Variants in HNRNPA1L2 observed in about 807,000 individuals in gnomAD.
The protein encoded by HNRNPA1L2 is heterogeneous nuclear ribonucleoprotein A1 like 2.
Under a neutral mutation model 18.2 loss-of-function variants are expected in HNRNPA1L2, and 10 were observed. The ratio of observed to expected loss-of-function variants is 0.55; its 90% CI spans 0.34 to 0.93. HNRNPA1L2 has a LOEUF of 0.93. HNRNPA1L2 is among the 40% of genes least tolerant of loss of function. The pLI is 0.02. For synonymous variants in HNRNPA1L2, 124 were observed against 138.6 expected, an observed-to-expected ratio of 0.89 and a Z score of 0.74; for missense variants, 308 against 394.4, an observed-to-expected ratio of 0.78 and a Z score of 1.85.
chr13:52,621,987 A>T, the HNRNPA1L2 span: 1 of 157,260 alleles, frequency 6.4e-6, no homozygotes, highest in Non-Finnish European at 1.4e-5. Context: ...GCATCTTTCC[A>T]GGACAAAAAA....
chr13:52,622,430 GAAATGCTGTAATTGTATTATATTT>G, the HNRNPA1L2 span, among the ~76,000 whole-genome samples: 2 of 152,188 alleles, frequency 1.3e-5, no homozygotes, highest in African/African-American at 2.4e-5. Flanking sequence ...AATTACTTGA[GAAATGCTGTAATTGTATTATATTT>G]AAATAACAAG....
chr13:52,623,463 A>G, the HNRNPA1L2 span, among the ~76,000 whole-genome samples: 2 of 152,290 alleles, frequency 1.3e-5, no homozygotes, highest in African/African-American at 2.4e-5. Context: ...ATATTGCAGG[A>G]TGGGTGTGAT....
the HNRNPA1L2 span, among the ~76,000 whole-genome samples, chr13:52,626,006 T>C: frequency 6.6e-6 from 1 of 151,964 alleles, no homozygotes; most frequent in Non-Finnish European, 1.5e-5. Context: ...TCTTGAACTC[T>C]TGAGCTCAAG....
the HNRNPA1L2 span, among the ~76,000 whole-genome samples, chr13:52,630,970 G>T: frequency 3.9e-5 from 6 of 152,084 alleles, no homozygotes; most frequent in Non-Finnish European, 7.4e-5. Flanking sequence ...TATTAGATTT[G>T]ATATTTAATA....
chr13:52,619,670 C>T, the HNRNPA1L2 span, among the ~76,000 whole-genome samples: 1 of 151,730 alleles, frequency 6.6e-6, no homozygotes, highest in Non-Finnish European at 1.5e-5. Flanking sequence ...GCCTGTAATC[C>T]CAACACTTTG....
chr13:52,633,051 A>G, the HNRNPA1L2 span, among the ~76,000 whole-genome samples: 2 of 152,324 alleles, frequency 1.3e-5, no homozygotes, highest in East Asian at 3.9e-4. Flanking sequence ...CCCTCTTGAA[A>G]TGTTGCATTC....
chr13:52,638,110 T>C (rs1961521189), upstream of HNRNPA1L2, among the ~76,000 whole-genome samples: 1 of 152,222 alleles, frequency 6.6e-6, no homozygotes. Context: ...ATGGTATTTG[T>C]TATATGCTTG....
the HNRNPA1L2 span, chr13:52,617,719 C>T: frequency 2.3e-6 from 1 of 434,856 alleles, no homozygotes; most frequent in African/African-American, 2.0e-5. Flanking sequence ...CGCAGGTCCT[C>T]GGGCATCCCT....
the HNRNPA1L2 span, among the ~76,000 whole-genome samples, chr13:52,619,845 C>T: frequency 2.1e-5 from 3 of 145,796 alleles, no homozygotes; most frequent in East Asian, 2.1e-4. Context: ...GGCGTGAACC[C>T]GGGAGGCGGA....
At chr13:52,628,761 T>A in the HNRNPA1L2 span, among the ~76,000 whole-genome samples, 1 of 152,268 alleles carries the variant, frequency 6.6e-6, no homozygotes, top group Non-Finnish European at 1.5e-5. Context: ...TAAAATTTAA[T>A]TTAAACATAA....
chr13:52,635,083 A>C, the HNRNPA1L2 span, among the ~76,000 whole-genome samples: 11 of 152,260 alleles, frequency 7.2e-5, no homozygotes, highest in Non-Finnish European at 1.5e-4. Context: ...AAATGTGGCT[A>C]GTTAAGCCTA....
upstream of HNRNPA1L2, chr13:52,641,813 A>G (rs1961666367): frequency 1.3e-5 from 2 of 152,256 alleles, no homozygotes; most frequent in South Asian, 4.1e-4. Flanking sequence ...TAGAATAAGA[A>G]TGTTTTCAAT....
chr13:52,626,261 C>T, the HNRNPA1L2 span, among the ~76,000 whole-genome samples: 4 of 150,588 alleles, frequency 2.7e-5, no homozygotes, highest in Non-Finnish European at 5.9e-5. Flanking sequence ...AATTTGGGTC[C>T]CACTTATTGA....
upstream of HNRNPA1L2, among the ~76,000 whole-genome samples, chr13:52,640,282 T>C (rs936195048): frequency 1.3e-5 from 2 of 152,206 alleles, no homozygotes; most frequent in African/African-American, 2.4e-5. Flanking sequence ...TTACACCCCA[T>C]ACCTACTGAA....
the HNRNPA1L2 span, among the ~76,000 whole-genome samples, chr13:52,632,148 GAAC>G: frequency 6.6e-6 from 1 of 152,110 alleles, no homozygotes; most frequent in Non-Finnish European, 1.5e-5. Flanking sequence ...ATATAAAAGG[GAAC>G]AAATAAAAAT....
chr13:52,639,093 G>T (rs1386086857), upstream of HNRNPA1L2, among the ~76,000 whole-genome samples: 2 of 152,152 alleles, frequency 1.3e-5, no homozygotes, highest in Non-Finnish European at 2.9e-5. Flanking sequence ...GGCTTAGGAT[G>T]GTTTGACTTA....
the HNRNPA1L2 span, among the ~76,000 whole-genome samples, chr13:52,630,637 A>T: frequency 1.1e-4 from 16 of 152,104 alleles, no homozygotes; most frequent in Non-Finnish European, 1.9e-4. Flanking sequence ...TATTCCGTGG[A>T]TTTGTTTTAA....
At chr13:52,623,764 A>G in the HNRNPA1L2 span, among the ~76,000 whole-genome samples, 3 of 152,320 alleles carry the variant, frequency 2.0e-5, no homozygotes, top group East Asian at 5.8e-4. Context: ...TGGTTACCAT[A>G]GTTACACTAC....
At chr13:52,624,554 A>G in the HNRNPA1L2 span, among the ~76,000 whole-genome samples, 1 of 152,340 alleles carries the variant, frequency 6.6e-6, no homozygotes, top group East Asian at 1.9e-4. Flanking sequence ...AATGTCATTG[A>G]TAGGAATGGA....
Sources: allele counts gnomAD v4.1 joint callset (sites outside exome capture counted in the v4.1 genomes callset), GRCh38; gene constraint gnomAD v4.1.1; transcripts MANE v1.5; gene names NCBI Gene and HGNC (gene_info 2026-07-23, HGNC 2026-07-21).